Variants in NPAS3 observed in about 807,000 individuals in gnomAD.
NPAS3 encodes neuronal PAS domain-containing protein 3.
Under a neutral mutation model 73.1 loss-of-function variants are expected in NPAS3, and 14 were observed. That is an observed-to-expected ratio of 0.19 (90% CI 0.13 to 0.30). The LOEUF (loss-of-function observed/expected upper bound fraction) is 0.30, where lower values mean the gene tolerates loss of function less well. Among genes scored for constraint, NPAS3 ranks in the 10% least tolerant of loss-of-function variants. The pLI is 1.00. For synonymous variants in NPAS3, 620 were observed against 541.5 expected (o/e 1.14, Z -2.01); for missense variants, 1,096 against 1,250.0 (o/e 0.88, Z 1.86).
chr14:33,697,392 A>G (rs2060413373), intron 6 of NPAS3, among the ~76,000 whole-genome samples: 1 of 152,224 alleles, frequency 6.6e-6, no homozygotes, highest in South Asian at 2.1e-4. Context: ...GATGATCACA[A>G]GTTAAGCTGA....
intron 3 of NPAS3, among the ~76,000 whole-genome samples, chr14:33,350,331 A>C (rs2044974624): frequency 6.6e-6 from 1 of 152,186 alleles, no homozygotes; most frequent in Non-Finnish European, 1.5e-5. Flanking sequence ...GATGTGTAGA[A>C]TATTTAAGAG....
intron 3 of NPAS3, among the ~76,000 whole-genome samples, chr14:33,231,485 G>T (rs1168920249): frequency 1.3e-5 from 2 of 152,078 alleles, no homozygotes; most frequent in Non-Finnish European, 2.9e-5. Context: ...GCTTGAGCCA[G>T]GTATGACTTT....
At chr14:32,998,342 AACACATATTGG>A (rs2038669422) in intron 1 of NPAS3, among the ~76,000 whole-genome samples, 1 of 152,208 alleles carries the variant, frequency 6.6e-6, no homozygotes, top group East Asian at 1.9e-4. Flanking sequence ...ATACAGACAG[AACACATATTGG>A]TGGTTACCAG....
chr14:33,560,503 C>A, intron 5 of NPAS3: 1 of 252,258 alleles, frequency 4.0e-6, no homozygotes, highest in Non-Finnish European at 7.6e-6. Flanking sequence ...TTTGAAACCT[C>A]TGTGCCCAGT....
At chr14:32,983,796 A>G (rs2037993329) in intron 1 of NPAS3, among the ~76,000 whole-genome samples, 1 of 152,092 alleles carries the variant, frequency 6.6e-6, no homozygotes, top group South Asian at 2.1e-4. Flanking sequence ...ATCTTGGCTC[A>G]TTGCAACTTC....
chr14:33,259,469 C>CT (rs1238174703), intron 3 of NPAS3, among the ~76,000 whole-genome samples: 2 of 152,102 alleles, frequency 1.3e-5, no homozygotes, highest in Non-Finnish European at 2.9e-5. Flanking sequence ...CTAAGTGCTT[C>CT]TTTTTTTATT....
chr14:33,782,995 T>C (rs2063028345), intron 9 of NPAS3, among the ~76,000 whole-genome samples: 1 of 152,172 alleles, frequency 6.6e-6, no homozygotes, highest in Admixed American at 6.5e-5. Flanking sequence ...GCAAGCAGAC[T>C]GCTTAATGCG....
intron 2 of NPAS3, among the ~76,000 whole-genome samples, chr14:33,189,693 CA>C (rs2139496775): frequency 6.6e-6 from 1 of 152,250 alleles, no homozygotes; most frequent in Non-Finnish European, 1.5e-5. Flanking sequence ...CATATATGGT[CA>C]ACTTTTATAC....
chr14:33,048,784 G>A (rs1388639395), intron 1 of NPAS3, among the ~76,000 whole-genome samples: 1 of 152,214 alleles, frequency 6.6e-6, no homozygotes, highest in Admixed American at 6.5e-5. Flanking sequence ...AGAACACTCT[G>A]GCTGAGAGGT....
At chr14:33,400,889 T>C (rs1426478356) in intron 4 of NPAS3, among the ~76,000 whole-genome samples, 1 of 151,536 alleles carries the variant, frequency 6.6e-6, no homozygotes, top group Non-Finnish European at 1.5e-5. Flanking sequence ...TCAGTTTCAT[T>C]AAAGTTGACT....
chr14:33,618,319 C>A (rs2057981064), intron 5 of NPAS3, among the ~76,000 whole-genome samples: 1 of 152,022 alleles, frequency 6.6e-6, no homozygotes, highest in Non-Finnish European at 1.5e-5. Context: ...AATAACTATA[C>A]AACTCACCAT....
intron 5 of NPAS3, among the ~76,000 whole-genome samples, chr14:33,661,589 A>AT (rs2059310120): frequency 6.6e-6 from 1 of 152,238 alleles, no homozygotes; most frequent in African/African-American, 2.4e-5. Flanking sequence ...ACATTTCTGA[A>AT]TTGCCCAGAA....
chr14:33,470,832 C>T (rs1163181413), intron 4 of NPAS3, among the ~76,000 whole-genome samples: 1 of 151,610 alleles, frequency 6.6e-6, no homozygotes, highest in African/African-American at 2.4e-5. Flanking sequence ...AGATGGTGAC[C>T]ATTTCAGAGA....
intron 5 of NPAS3, among the ~76,000 whole-genome samples, chr14:33,623,325 C>G (rs1351739069): frequency 2.0e-5 from 3 of 152,204 alleles, no homozygotes; most frequent in Admixed American, 6.5e-5. Context: ...CTTACTACCA[C>G]TTCCCACCCT....
intron 5 of NPAS3, among the ~76,000 whole-genome samples, chr14:33,589,920 GAGA>G (rs991135952): frequency 2.0e-5 from 3 of 152,170 alleles, no homozygotes; most frequent in Admixed American, 6.5e-5. Context: ...CTTTTCATTA[GAGA>G]AGAAGAAATT....
At chr14:33,629,321 G>A (rs1020570495) in intron 5 of NPAS3, among the ~76,000 whole-genome samples, 7 of 152,034 alleles carry the variant, frequency 4.6e-5, no homozygotes, top group Admixed American at 1.3e-4. Flanking sequence ...TGTCAAGAAG[G>A]AATATGCATT....
intron 1 of NPAS3, among the ~76,000 whole-genome samples, chr14:33,044,261 T>C (rs1209857499): frequency 1.3e-5 from 2 of 152,202 alleles, no homozygotes; most frequent in Non-Finnish European, 2.9e-5. Flanking sequence ...GGGTAATTTA[T>C]TGAATGTCAT....
At position 33,080,458 on chromosome 14, in the gene NPAS3, T is replaced by G. The variant is rs910870841; in HGVS notation, c.140+24464T>G. On this transcript the variant is annotated intron_variant, in intron 2 of 11. Transcript: ENST00000356141. ...GTAAGACCCAAATATGTAAAATAGT[T>G]GATAAATAAATAGTAGTAGACAGGC... Among the ~76,000 whole-genome samples, 5 of 152,140 alleles carry G rather than the reference T, an allele frequency of 3.3e-5. No homozygotes were observed. The East Asian group carries it at 9.6e-4, about 29-fold the overall frequency.
chr14:33,368,334 A>G lies in NPAS3; in HGVS notation c.468+1066A>G, dbSNP rs2045934570. ...TTAAAAAAAAAAAAAAGAAGAAAAA[A>G]TAGCTCATAGTCAAATCCTGGTGGT... On this transcript the variant is annotated intron_variant, in intron 4 of 11. Transcript: ENST00000356141. 2.0e-5 allele frequency among the ~76,000 whole-genome samples: 3 copies of G among 151,996 alleles called. No individual in the cohort carries two copies. The South Asian group carries it at 6.2e-4, about 32-fold the overall frequency.
Sources: gnomAD v4.1 joint callset for allele counts (sites outside exome capture counted in the v4.1 genomes callset) on GRCh38, gnomAD v4.1.1 for gene constraint, MANE v1.5 for transcripts, NCBI Gene and HGNC (gene_info 2026-07-23, HGNC 2026-07-21) for gene names.